SLC6A2: variants seen among roughly 807,000 people sequenced by gnomAD.
SLC6A2 encodes the protein solute carrier family 6 member 2.
A neutral mutation model predicts 71.7 loss-of-function variants in SLC6A2; 26 were observed. The observed-to-expected ratio is 0.36, with a 90% CI of 0.27 to 0.50. The LOEUF is 0.50. Ranked by LOEUF, SLC6A2 falls within the 20% of genes least tolerant of loss-of-function variation. The probability of loss-of-function intolerance (pLI) is 0.96; values close to 1 mark genes in which losing one functional copy is unlikely to be tolerated. For missense variants in SLC6A2, 581 were observed against 803.9 expected (o/e 0.72, Z 3.35); for synonymous variants, 363 against 337.9 (o/e 1.07, Z -0.82).
chr16:55,703,601 G>A lies in SLC6A2; in HGVS notation c.*1255G>A, dbSNP rs1966037557. On this transcript the variant is annotated 3_prime_UTR_variant, in exon 15 of 15. Transcript: ENST00000568943. ...AACTTGCACTTGGTGCCCTCTGGTGGTGTTTAGTTTTAGTTCCGTAAGAGA... is the reference window on the plus strand; with the variant it reads ...AACTTGCACTTGGTGCCCTCTGGTGATGTTTAGTTTTAGTTCCGTAAGAGA... 1.0e-6 allele frequency: 1 copy of A among 985,300 alleles called. No homozygotes were observed. 61.0% of individuals were successfully genotyped at this position (985,300 alleles called of 1,614,324 possible). A position where few individuals can be genotyped will look rare whatever the true frequency, so the allele number is the denominator to read the frequency against.
chr16:55,671,789 T>G (rs1174079770), intron 3 of SLC6A2, 149 bp from the exon 4 acceptor site: 9 of 1,465,936 alleles, frequency 6.1e-6, no homozygotes, highest in Non-Finnish European at 8.1e-6. Flanking sequence ...ATGCGACAGG[T>G]CACTGGTGCT....
At chr16:55,659,542 C>T (rs1297708232) in intron 2 of SLC6A2, among the ~76,000 whole-genome samples, 8 of 152,270 alleles carry the variant, frequency 5.3e-5, no homozygotes, top group African/African-American at 1.9e-4. Context: ...GTGGGTCTGT[C>T]TCCCAAACAG....
intron 2 of SLC6A2, among the ~76,000 whole-genome samples, chr16:55,659,020 G>A (rs1344525323): frequency 6.6e-6 from 1 of 152,096 alleles, no homozygotes; most frequent in Admixed American, 6.5e-5. Context: ...CTTAAGACCC[G>A]CCATCCCGCC....
At chr16:55,682,307 T>C (rs1225199708) in intron 4 of SLC6A2, among the ~76,000 whole-genome samples, 1 of 152,170 alleles carries the variant, frequency 6.6e-6, no homozygotes, top group Non-Finnish European at 1.5e-5. Flanking sequence ...AAATGTGTGG[T>C]GCCCTGGGCA....
chr16:55,666,629 G>C (rs1247589136), intron 2 of SLC6A2, among the ~76,000 whole-genome samples: 1 of 152,174 alleles, frequency 6.6e-6, no homozygotes, highest in African/African-American at 2.4e-5. Context: ...TGCACTCACA[G>C]AGAAGAGCCG....
At position 55,702,398 on chromosome 16, in the gene SLC6A2, C is replaced by T. The variant is rs754403904; in HGVS notation, c.*52C>T. 2 of 1,614,106 alleles carry T rather than the reference C, an allele frequency of 1.2e-6. No homozygotes were observed. Among genetic ancestry groups the T allele is most frequent in the South Asian group, 2.2e-5 (2 of 91,088 alleles). On this transcript the variant is annotated 3_prime_UTR_variant, in exon 15 of 15. Coordinates refer to ENST00000568943, the MANE Select transcript of SLC6A2 (RefSeq NM_001172501.3). ...CCCATGCCAATGTCCAGGTCACAGG[C>T]ATCCGCTGCGCTCCCACCTCGGACA... is the stretch of plus-strand genomic sequence containing the variant.
At chr16:55,662,192 C>T (rs1325372317) in intron 2 of SLC6A2, among the ~76,000 whole-genome samples, 1 of 152,200 alleles carries the variant, frequency 6.6e-6, no homozygotes. Context: ...CTGTTCCTGA[C>T]AAGATTGGGA....
At chr16:55,701,987 G>C in intron 14 of SLC6A2, 53 bp downstream of exon 14, 4 of 1,377,050 alleles carry the variant, frequency 2.9e-6, no homozygotes, top group Admixed American at 3.4e-5. Flanking sequence ...GGCCCTGGCT[G>C]TTCCCTGCTG....
chr16:55,702,855 G>C lies in SLC6A2; in HGVS notation c.*509G>C. 5 of 996,388 alleles carry C rather than the reference G, an allele frequency of 5.0e-6. No individual in the cohort carries two copies. The highest frequency in any genetic ancestry group is 4.8e-6 in the Non-Finnish European group (4 of 836,330). 61.7% of individuals were successfully genotyped at this position (996,388 alleles called of 1,614,324 possible). ...ACCCTCCTCTTGCCCACCCTAGACA[G>C]CCCTCTCATGTCTGAACCTCAGCCT... On this transcript the variant is annotated 3_prime_UTR_variant, in exon 15 of 15. Transcript: ENST00000568943.
chr16:55,698,718 C>CAA (rs1259528435), intron 11 of SLC6A2, 150 bp downstream of exon 11: 3 of 704,942 alleles, frequency 4.3e-6, no homozygotes, highest in Non-Finnish European at 7.8e-6. Context: ...CAATCCTCGG[C>CAA]TCATCTTTGG....
Position 55,705,389 on chromosome 16 carries a change from C to G in SLC6A2, c.*3043C>G. 3.0e-6 allele frequency: 2 copies of G among 664,004 alleles called. No homozygotes were observed. The highest frequency in any genetic ancestry group is 5.0e-6 in the Non-Finnish European group (2 of 397,218). The allele number at this position is 664,004 out of a possible 1,614,324, so 41.1% of individuals were successfully genotyped here. On this transcript the variant is annotated 3_prime_UTR_variant, in exon 15 of 15. Transcript: ENST00000568943. ...CTAATGTGAGACTGAAGCATTCTTACCAAAGAAATCATTTCCTAGTAAAGA... is the reference window on the plus strand; with the variant it reads ...CTAATGTGAGACTGAAGCATTCTTAGCAAAGAAATCATTTCCTAGTAAAGA...
chr16:55,689,976 A>G (rs1596999554), intron 5 of SLC6A2, among the ~76,000 whole-genome samples: 3 of 152,204 alleles, frequency 2.0e-5, no homozygotes, highest in African/African-American at 7.2e-5. Flanking sequence ...CCAGTTACTC[A>G]TTCATTCACT....
At position 55,702,456 on chromosome 16, in the gene SLC6A2, T is replaced by G; in HGVS notation, c.*110T>G. Reference sequence around the variant, plus strand: ...GGGATTCCTCCCCTGGAAGTTGTCCTTTCTGATCCTCTCTTCTTTTCCCAT... The same window carrying G: ...GGGATTCCTCCCCTGGAAGTTGTCCGTTCTGATCCTCTCTTCTTTTCCCAT... On this transcript the variant is annotated 3_prime_UTR_variant, in exon 15 of 15. Transcript: ENST00000568943. 1 of 1,598,680 alleles carries G rather than the reference T, an allele frequency of 6.3e-7. No individual in the cohort carries two copies. Among genetic ancestry groups the G allele is most frequent in the East Asian group, 2.3e-5 (1 of 43,952 alleles).
At chr16:55,701,632 C>A (rs1965974000) in intron 13 of SLC6A2, among the ~76,000 whole-genome samples, 1 of 152,194 alleles carries the variant, frequency 6.6e-6, no homozygotes, top group Non-Finnish European at 1.5e-5. Context: ...TCCACAGGGC[C>A]TAGCCCCATG....
intron 3 of SLC6A2, 49 bp from the exon 4 acceptor site, chr16:55,671,889 G>GTGGGGC: frequency 6.2e-7 from 1 of 1,612,720 alleles, no homozygotes; most frequent in Non-Finnish European, 8.5e-7. Context: ...AGAGGTGGCT[G>GTGGGGC]TGGGGCTGGG....
At chr16:55,699,007 A>G (rs1401664437) in intron 11 of SLC6A2, among the ~76,000 whole-genome samples, 1 of 152,116 alleles carries the variant, frequency 6.6e-6, no homozygotes, top group African/African-American at 2.4e-5. Context: ...GGTATCTTGT[A>G]TTTTTTCTGG....
rs747825127 is a variant in SLC6A2, at chr16:55,698,031, T to C, written c.1389+6T>C. On this transcript the variant is annotated splice_donor_region_variant and intron_variant, in intron 10 of 14. Coordinates refer to ENST00000568943, the MANE Select transcript of SLC6A2 (RefSeq NM_001172501.3). ...CCCTGTTCTGCATAACCAAGGTGAG[T>C]AGGGGCTGGGCTCTGGGTCACCTGG... 3.1e-6 allele frequency: 5 copies of C among 1,613,826 alleles called. No individual in the cohort carries two copies. The highest frequency in any genetic ancestry group is 3.4e-6 in the Non-Finnish European group (4 of 1,179,914).
Position 55,694,092 on chromosome 16 carries a change from A to C in SLC6A2, c.1001A>C (p.Lys334Thr), listed in dbSNP as rs755623411. The C allele has an allele frequency of 1.2e-6, 2 of 1,606,980 alleles. No homozygotes were observed. The highest frequency in any genetic ancestry group is 1.7e-6 in the Non-Finnish European group (2 of 1,173,418). The change falls in exon 7 of 15, where the codon AAA (lysine) becomes ACA (threonine). Residue 334 changes from lysine (K) to threonine (T), a missense_variant. Around this residue, in one of 5 missense-constraint regions of SLC6A2, gnomAD observed 334 missense variants for 449.0 expected, o/e 0.74. Coordinates refer to ENST00000568943, the MANE Select transcript of SLC6A2 (RefSeq NM_001172501.3). The stretch of plus-strand genomic sequence containing the variant: ...TTGATTGCATTTGCCAGTTACAACA[A>C]ATTTGACAACAACTGTTACAGGTAA... ...GVLIAFASYN[K>T]FDNNCYRDAL... is the part of the protein sequence containing the mutation.
Position 55,702,403 on chromosome 16 carries a change from G to A in SLC6A2, c.*57G>A, listed in dbSNP as rs374606532. 2.5e-5 allele frequency: 40 copies of A among 1,614,086 alleles called. No individual in the cohort carries two copies. Among genetic ancestry groups the A allele is most frequent in the Middle Eastern group, 1.6e-4 (1 of 6,062 alleles). ...GCCAATGTCCAGGTCACAGGCATCC[G>A]CTGCGCTCCCACCTCGGACACCATC... On this transcript the variant is annotated 3_prime_UTR_variant, in exon 15 of 15. Transcript: ENST00000568943.
Sources: gnomAD v4.1 joint callset for allele counts (sites outside exome capture counted in the v4.1 genomes callset) on GRCh38, gnomAD v4.1.1 for gene constraint, gnomAD v4.1.1 regional missense constraint, MANE v1.5 for transcripts, NCBI Gene and HGNC (gene_info 2026-07-23, HGNC 2026-07-21) for gene names.